Variants in CHD8 observed in about 807,000 individuals in gnomAD.
CHD8 encodes chromodomain helicase DNA binding protein 8, also known as ATP-dependent chromatin remodeler CHD8.
A neutral mutation model predicts 279.2 loss-of-function variants in CHD8; 31 were observed. The observed-to-expected ratio is 0.11, with a 90% confidence interval of 0.08 to 0.15. The LOEUF is 0.15. CHD8 is among the 10% of genes least tolerant of loss of function. The pLI, the probability that CHD8 is intolerant of heterozygous loss-of-function variation, is 1.00. For synonymous variants in CHD8, 1,081 were observed against 1,139.6 expected, an observed-to-expected ratio of 0.95 and a Z score of 1.04; for missense variants, 2,146 against 3,230.5, an observed-to-expected ratio of 0.66 and a Z score of 8.14.
chr14:21,409,140 T>C (rs1566428429), intron 11 of CHD8, among the ~76,000 whole-genome samples: 1 of 151,918 alleles, frequency 6.6e-6, no homozygotes, highest in African/African-American at 2.4e-5. Context: ...ACATTAAAAA[T>C]AAAAAAACAA....
Position 21,408,700 on chromosome 14 carries a change from T to G in CHD8, c.2486+4A>C. ...TACATCTTATGGCCCATTCTTTCCT[T>G]TACCTGTTATACCAATTAAAGAGCA... On this transcript the variant is annotated splice_donor_region_variant and intron_variant, in intron 12 of 37. Coordinates refer to ENST00000646647, the MANE Select transcript of CHD8 (RefSeq NM_001170629.2). The surrounding 1 kb of genome is among the most constrained non-coding windows in gnomAD (Gnocchi z 4.3). The G allele has an allele frequency of 6.2e-7, 1 of 1,609,318 alleles. No individual in the cohort carries two copies. Among genetic ancestry groups the G allele is most frequent in the Non-Finnish European group, 8.5e-7 (1 of 1,177,784 alleles).
intron 5 of CHD8, among the ~76,000 whole-genome samples, chr14:21,417,798 G>A (rs568663651): frequency 6.0e-5 from 9 of 149,114 alleles, no homozygotes; most frequent in African/African-American, 2.2e-4. Context: ...AGCTTGCAGT[G>A]AGCCGAGATC....
At position 21,393,254 on chromosome 14, in the gene CHD8, G is replaced by A; in HGVS notation, c.6320C>T (p.Thr2107Ile). 1.2e-6 allele frequency: 2 copies of A among 1,613,918 alleles called. No homozygotes were observed. Among genetic ancestry groups the A allele is most frequent in the East Asian group, 4.5e-5 (2 of 44,888 alleles). ...ESEDEKEEKL[T>I]DQSRSKLYDE... The stretch of plus-strand genomic sequence containing the variant: ...ATAGAGCTTTGAGCGGGACTGGTCA[G>A]CTGGTAAGAGAGCCCATAGAATGTG... The change falls in exon 33 of 38, where the codon ACT becomes ATT. Residue 2107 changes from threonine to isoleucine, a missense_variant and splice_region_variant. Around this residue, in one of 26 missense-constraint regions of CHD8, gnomAD observed 513 missense variants for 637.6 expected, o/e 0.80. Transcript: ENST00000646647.
intron 5 of CHD8, among the ~76,000 whole-genome samples, chr14:21,423,414 A>G (rs1010758065): frequency 6.6e-6 from 1 of 152,082 alleles, no homozygotes; most frequent in Non-Finnish European, 1.5e-5. Flanking sequence ...TACTCTCTCA[A>G]TGACATTAAT....
chr14:21,400,864 T>C lies in CHD8; in HGVS notation c.4370+11A>G, dbSNP rs770851560. 2.5e-6 allele frequency: 4 copies of C among 1,596,992 alleles called. No individual in the cohort carries two copies. The highest frequency in any genetic ancestry group is 2.6e-6 in the Non-Finnish European group (3 of 1,171,970). On this transcript the variant is annotated intron_variant, in intron 22 of 37. Coordinates refer to ENST00000646647, the MANE Select transcript of CHD8 (RefSeq NM_001170629.2). The surrounding 1 kb of genome is among the most constrained non-coding windows in gnomAD (Gnocchi z 4.2). ...CTATGCACTACCTCTAATGGTAAGT[T>C]GGGGTCTTACCCATATACCAGGAGA...
At chr14:21,416,061 T>C (rs975187630) in intron 5 of CHD8, 154 bp from the exon 6 acceptor site, 2 of 667,376 alleles carry the variant, frequency 3.0e-6, no homozygotes, top group East Asian at 5.0e-5. Flanking sequence ...TGTCAAACAA[T>C]GTGATTATGC....
intron 27 of CHD8, among the ~76,000 whole-genome samples, chr14:21,396,354 T>TG (rs745945590): frequency 2.0e-5 from 3 of 152,020 alleles, no homozygotes; most frequent in Non-Finnish European, 4.4e-5. Context: ...TAGGCCAGGC[T>TG]GGATTCCAGT....
Position 21,430,839 on chromosome 14 carries a change from G to A in CHD8, c.805C>T (p.Leu269=). 1 of 1,599,132 alleles carries A rather than the reference G, an allele frequency of 6.3e-7. No individual in the cohort carries two copies. The highest frequency in any genetic ancestry group is 8.5e-7 in the Non-Finnish European group (1 of 1,179,560). ...GAGGTCAGTGTAACTGCAGGCTTCAGTGGGGGCCCTGTGGCCCCAGGGTTT... is the reference window on the plus strand; with the variant it reads ...GAGGTCAGTGTAACTGCAGGCTTCAATGGGGGCCCTGTGGCCCCAGGGTTT... The part of the protein sequence containing the change: ...AGNPGATGPP[L]KPAVTLTSTP... Residue 269 remains leucine (L), a synonymous_variant, in exon 2 of 38, where the codon CTG becomes TTG. Transcript: ENST00000646647.
intron 4 of CHD8, 200 bp from the exon 5 acceptor site, chr14:21,426,442 A>T: frequency 1.9e-6 from 1 of 517,286 alleles, no homozygotes; most frequent in Non-Finnish European, 3.4e-6. Context: ...ACTGACCCTT[A>T]TACCATATTT....
intron 37 of CHD8, among the ~76,000 whole-genome samples, chr14:21,388,049 T>C (rs944584968): frequency 2.0e-5 from 3 of 152,218 alleles, no homozygotes; most frequent in East Asian, 1.9e-4. Context: ...ATTCTGTTTA[T>C]TGCACTCTTG....
intron 5 of CHD8, among the ~76,000 whole-genome samples, chr14:21,418,256 G>A (rs774185283): frequency 6.6e-6 from 1 of 152,150 alleles, no homozygotes; most frequent in African/African-American, 2.4e-5. Flanking sequence ...GGTGGATCAC[G>A]CCTGTAATCC....
chr14:21,395,526 A>C (rs1416440340), intron 28 of CHD8, 174 bp from the exon 29 acceptor site: 1 of 607,870 alleles, frequency 1.6e-6, no homozygotes, highest in Non-Finnish European at 2.9e-6. Flanking sequence ...AAGAACAAGA[A>C]AGTAGAACCT....
chr14:21,429,230 G>C lies in CHD8; in HGVS notation c.949C>G (p.Gln317Glu), dbSNP rs1213146356. The C allele has an allele frequency of 6.2e-7, 1 of 1,613,946 alleles. No homozygotes were observed. The highest frequency in any genetic ancestry group is 8.5e-7 in the Non-Finnish European group (1 of 1,179,852). The change falls in exon 3 of 38, where the codon CAG becomes GAG. Residue 317 changes from glutamine (Q) to glutamate (E), a missense_variant. Transcript: ENST00000646647. ...LGSLPGKIVLQGNQLAALTQA... is the reference protein window; with the variant it reads ...LGSLPGKIVLEGNQLAALTQA... ...GTCAGGGCTGCCAGCTGGTTGCCCT[G>C]TAACACTATCTTGCCTGGTAGACTC...
chr14:21,411,435 A>G (rs1160638746), intron 10 of CHD8, among the ~76,000 whole-genome samples: 1 of 152,222 alleles, frequency 6.6e-6, no homozygotes. Flanking sequence ...TCGGAATTTT[A>G]TAGAGGAAAG....
At chr14:21,395,569 A>T in intron 28 of CHD8, 1 of 590,794 alleles carries the variant, frequency 1.7e-6, no homozygotes, top group Non-Finnish European at 3.0e-6. Flanking sequence ...ACTCAAAGAT[A>T]ATAGAAGTCA....
chr14:21,390,492 T>C (rs1887476643), intron 37 of CHD8, among the ~76,000 whole-genome samples: 1 of 152,148 alleles, frequency 6.6e-6, no homozygotes, highest in Non-Finnish European at 1.5e-5. Context: ...ATAAAAATAC[T>C]CTGGGCCAGG....
At chr14:21,396,201 G>A (rs1241321998) in intron 27 of CHD8, among the ~76,000 whole-genome samples, 2 of 151,738 alleles carry the variant, frequency 1.3e-5, no homozygotes, top group Admixed American at 6.6e-5. Flanking sequence ...TTGCCATATT[G>A]CCCAGGCTCA....
chr14:21,426,394 T>C (rs562166874), intron 4 of CHD8, 152 bp from the exon 5 acceptor site: 1 of 582,628 alleles, frequency 1.7e-6, no homozygotes, highest in Admixed American at 3.2e-5. Flanking sequence ...AAATATGGTG[T>C]TTGAAAAAAA....
At chr14:21,452,198 G>A (rs1345575951) in intron 1 of CHD8, among the ~76,000 whole-genome samples, 5 of 151,990 alleles carry the variant, frequency 3.3e-5, no homozygotes, top group Non-Finnish European at 5.9e-5. Context: ...ACGCCACCAC[G>A]CCCAGCTAAT....
Sources: allele counts gnomAD v4.1 joint callset (sites outside exome capture counted in the v4.1 genomes callset), GRCh38; gene constraint gnomAD v4.1.1; regional missense constraint gnomAD v4.1.1; non-coding constraint Gnocchi (gnomAD v3.1); transcripts MANE v1.5; gene names NCBI Gene and HGNC (gene_info 2026-07-23, HGNC 2026-07-21).